TBX15: variants seen among roughly 807,000 people sequenced by gnomAD.
TBX15 encodes T-box transcription factor 15.
Under a neutral mutation model 53.9 loss-of-function variants are expected in TBX15, and 18 were observed. That is an observed-to-expected ratio of 0.33 (90% CI 0.23 to 0.49). TBX15 has a LOEUF of 0.49. Ranked by LOEUF, TBX15 falls within the 20% of genes least tolerant of loss-of-function variation. TBX15 has a pLI of 0.98. For synonymous variants in TBX15, 295 were observed against 278.0 expected (o/e 1.06, Z -0.61); for missense variants, 692 against 749.5 (o/e 0.92, Z 0.90).
intron 1 of TBX15, among the ~76,000 whole-genome samples, chr1:118,947,221 C>A (rs1656376004): frequency 1.3e-5 from 2 of 152,222 alleles, no homozygotes; most frequent in Admixed American, 1.3e-4. Flanking sequence ...GCAATGGAGC[C>A]TGCCCATGAG....
intron 1 of TBX15, among the ~76,000 whole-genome samples, chr1:118,975,004 G>A (rs1414222567): frequency 6.6e-6 from 1 of 152,196 alleles, no homozygotes; most frequent in Non-Finnish European, 1.5e-5. Context: ...TTTCTAAGCT[G>A]TTCCATTTTG....
At chr1:118,948,552 G>A (rs568108170) in intron 1 of TBX15, among the ~76,000 whole-genome samples, 7 of 152,244 alleles carry the variant, frequency 4.6e-5, no homozygotes, top group Non-Finnish European at 7.4e-5. Flanking sequence ...AACCTGCCTG[G>A]CTCTTTTCCC....
rs1229778000 is a variant in TBX15, at chr1:118,893,332, AGAAGGAAGGAAG to A, written c.1024+5684_1024+5695del. Among the ~76,000 whole-genome samples the A allele has an allele frequency of 3.5e-3, 272 of 77,790 alleles. 12 individuals are homozygous for A. Among genetic ancestry groups the A allele is most frequent in the African/African-American group, 0.025 (267 of 10,796 alleles). 51.0% of individuals were successfully genotyped at this position (77,790 alleles called of 152,430 possible). On this transcript the variant is annotated intron_variant, in intron 7 of 7. Coordinates refer to ENST00000369429, the MANE Select transcript of TBX15 (RefSeq NM_001330677.2). Reference sequence around the variant, plus strand: ...AAGGAAGGAAAGAAAGAAAGAAGAAAGAAGGAAGGAAGGAAGGAAGGAAGGAAAGAAAGAAAG... The same window carrying A: ...AAGGAAGGAAAGAAAGAAAGAAGAAAGAAGGAAGGAAGGAAAGAAAGAAAG...
At chr1:118,898,912 CAGG>C (rs1216052187) in intron 7 of TBX15, 113 bp downstream of exon 7, 5 of 1,049,234 alleles carry the variant, frequency 4.8e-6, no homozygotes, top group Non-Finnish European at 5.8e-6. Context: ...CTCTTCATTC[CAGG>C]AGAATTGGTA....
intron 1 of TBX15, among the ~76,000 whole-genome samples, chr1:118,936,218 G>C (rs1177519010): frequency 6.6e-6 from 1 of 152,128 alleles, no homozygotes; most frequent in Non-Finnish European, 1.5e-5. Flanking sequence ...TAGTAGTACA[G>C]CTTAGAGACC....
At chr1:118,905,238 C>T (rs1012092329) in intron 6 of TBX15, among the ~76,000 whole-genome samples, 3 of 152,170 alleles carry the variant, frequency 2.0e-5, no homozygotes, top group Non-Finnish European at 4.4e-5. Context: ...GAAACAAAAA[C>T]GTGTCCCTCA....
At chr1:118,939,429 A>AAAAAAAAAAAAAAAAAAAAAAAG (rs1656085423) in intron 1 of TBX15, among the ~76,000 whole-genome samples, 1 of 100,880 alleles carries the variant, frequency 9.9e-6, no homozygotes, top group Non-Finnish European at 2.0e-5. Flanking sequence ...AAAAAAAAAA[A>AAAAAAAAAAAAAAAAAAAAAAAG]AAAAAAACAA....
At chr1:118,983,969 G>T (rs1657732700) in intron 1 of TBX15, among the ~76,000 whole-genome samples, 2 of 152,260 alleles carry the variant, frequency 1.3e-5, no homozygotes, top group South Asian at 2.1e-4. Context: ...CCTATTGGGG[G>T]TTGGAGGTTG....
chr1:118,962,319 G>A lies in TBX15; in HGVS notation c.205+25272C>T, dbSNP rs114274223. Among the ~76,000 whole-genome samples the A allele has an allele frequency of 9.0e-3, 1,375 of 152,140 alleles. 26 individuals are homozygous for A. The highest frequency in any genetic ancestry group is 0.031 in the African/African-American group (1,300 of 41,498). On this transcript the variant is annotated intron_variant, in intron 1 of 7. Coordinates refer to ENST00000369429, the MANE Select transcript of TBX15 (RefSeq NM_001330677.2). ...CCCTAAAGACAGCCTTCAACTTCTG[G>A]TTGCCTACATAACCTCAAATCGTGC...
intron 6 of TBX15, among the ~76,000 whole-genome samples, chr1:118,904,432 A>G (rs1446795349): frequency 7.9e-5 from 12 of 152,316 alleles, no homozygotes; most frequent in Admixed American, 7.2e-4. Context: ...AAGACCTCCC[A>G]GCAGAGGTGT....
chr1:118,956,382 A>G (rs544931070), intron 1 of TBX15, among the ~76,000 whole-genome samples: 1 of 152,334 alleles, frequency 6.6e-6, no homozygotes, highest in South Asian at 2.1e-4. Flanking sequence ...ACTAACAAAT[A>G]GTTCAGAAAA....
chr1:118,915,704 A>C (rs189832788), intron 5 of TBX15, among the ~76,000 whole-genome samples: 150 of 152,268 alleles, frequency 9.9e-4, no homozygotes, highest in African/African-American at 3.3e-3. Flanking sequence ...TAAACCATGC[A>C]CCATATTTTC....
intron 1 of TBX15, among the ~76,000 whole-genome samples, chr1:118,977,683 G>T (rs562849850): frequency 1.6e-4 from 25 of 152,306 alleles, no homozygotes; most frequent in African/African-American, 6.0e-4. Context: ...ACCCTCCTAG[G>T]TGTATGCTGG....
At chr1:118,893,380 A>G (rs1003215657) in intron 7 of TBX15, among the ~76,000 whole-genome samples, 16 of 135,042 alleles carry the variant, frequency 1.2e-4, no homozygotes, top group African/African-American at 2.6e-4. Context: ...AAAGAAAGAA[A>G]GAAAGAAAGA....
chr1:118,916,821 G>A (rs1181183540), intron 5 of TBX15, among the ~76,000 whole-genome samples: 2 of 151,824 alleles, frequency 1.3e-5, no homozygotes, highest in Non-Finnish European at 2.9e-5. Context: ...AGCTACGATT[G>A]CACCACTGCA....
intron 1 of TBX15, among the ~76,000 whole-genome samples, chr1:118,966,928 C>T (rs888723559): frequency 6.6e-6 from 1 of 152,206 alleles, no homozygotes; most frequent in East Asian, 1.9e-4. Context: ...ATTTTCCAGC[C>T]AGCTGGTTCA....
Position 118,893,617 on chromosome 1 carries a change from G to GAAAGAAAA in TBX15, c.1024+5410_1024+5411insTTTTCTTT, listed in dbSNP as rs1354805382. On this transcript the variant is annotated intron_variant, in intron 7 of 7. Coordinates refer to ENST00000369429, the MANE Select transcript of TBX15 (RefSeq NM_001330677.2). ...AAGGAAGGAAAGAAAGAAAGAAAGA[G>GAAAGAAAA]AGAGAGAAAGAAAAAGAAAGAAAGA... Among the ~76,000 whole-genome samples, 40 of 106,368 alleles carry GAAAGAAAA rather than the reference G, an allele frequency of 3.8e-4. 2 individuals are homozygous for GAAAGAAAA. Among genetic ancestry groups the GAAAGAAAA allele is most frequent in the African/African-American group, 1.5e-3 (36 of 24,516 alleles). 69.8% of individuals were successfully genotyped at this position (106,368 alleles called of 152,430 possible).
rs934757075 is a variant in TBX15 at position 118,929,840 on chromosome 1, C to T, written c.419+1779G>A. ...TAAAGTAAAAACCCAAAAAGAATAC[C>T]GGAAAATCTTATAGACAAAAAAAAA... On this transcript the variant is annotated intron_variant, in intron 2 of 7. Transcript: ENST00000369429. 3.2e-5 allele frequency among the ~76,000 whole-genome samples: 4 copies of T among 125,224 alleles called. No homozygotes were observed. In the Admixed American group the frequency reaches 3.4e-4, roughly 11 times the overall value. The allele number at this position is 125,224 out of a possible 152,430, so 82.2% of individuals were successfully genotyped here.
intron 1 of TBX15, among the ~76,000 whole-genome samples, chr1:118,976,594 G>C (rs2182323): frequency 0.18 from 27,291 of 152,120 alleles, 3,118 homozygotes; most frequent in East Asian, 0.49. Context: ...TGAGCTCCTG[G>C]GGAAGTTGGT....
Sources: allele counts gnomAD v4.1 joint callset (sites outside exome capture counted in the v4.1 genomes callset), GRCh38; gene constraint gnomAD v4.1.1; transcripts MANE v1.5; gene names NCBI Gene and HGNC (gene_info 2026-07-23, HGNC 2026-07-21).